Variants in ABCB5 observed in about 807,000 individuals in gnomAD.
The protein encoded by ABCB5 is ATP-binding cassette sub-family B member 5.
ABCB5 carries 155 observed loss-of-function variants against 144.2 expected under a neutral mutation model. The observed-to-expected ratio is 1.08, with a 90% CI of 0.94 to 1.23. The LOEUF (loss-of-function observed/expected upper bound fraction) is 1.23. ABCB5 is among the 50% of genes most tolerant of loss of function. The pLI is 0.00. For synonymous variants in ABCB5, 610 were observed against 528.6 expected, an observed-to-expected ratio of 1.15 and a Z score of -2.11; for missense variants, 1,830 against 1,520.8, an observed-to-expected ratio of 1.20 and a Z score of -3.38.
chr7:20,751,174 G>A (rs899232436), intron 26 of ABCB5, among the ~76,000 whole-genome samples: 3 of 152,278 alleles, frequency 2.0e-5, no homozygotes, highest in South Asian at 4.1e-4. Flanking sequence ...TAAAAGAGGT[G>A]ATTTCGGGGC....
At chr7:20,752,880 G>C (rs1473243503) in intron 26 of ABCB5, among the ~76,000 whole-genome samples, 1 of 152,084 alleles carries the variant, frequency 6.6e-6, no homozygotes, top group Non-Finnish European at 1.5e-5. Context: ...CTTATTTCCA[G>C]GAAGATGCAT....
At chr7:20,626,050 G>C (rs751233864) in intron 2 of ABCB5, among the ~76,000 whole-genome samples, 2 of 152,174 alleles carry the variant, frequency 1.3e-5, no homozygotes, top group African/African-American at 4.8e-5. Context: ...ACAGCCAGAC[G>C]AAACAGACAC....
intron 14 of ABCB5, among the ~76,000 whole-genome samples, chr7:20,669,101 T>TGG (rs1241757378): frequency 1.2e-4 from 18 of 145,602 alleles, no homozygotes; most frequent in African/African-American, 3.9e-4. Context: ...GGGAGGATGG[T>TGG]GGGGGGGGTC....
chr7:20,655,947 T>C (rs181021666), intron 13 of ABCB5, among the ~76,000 whole-genome samples: 1 of 152,352 alleles, frequency 6.6e-6, no homozygotes, highest in East Asian at 1.9e-4. Flanking sequence ...GATGGTTGTA[T>C]AGATCAGTAC....
chr7:20,619,873 C>A (rs1412896464), intron 1 of ABCB5, among the ~76,000 whole-genome samples: 1 of 152,126 alleles, frequency 6.6e-6, no homozygotes, highest in Non-Finnish European at 1.5e-5. Flanking sequence ...ATGTAGGGGT[C>A]CAGTTTCATT....
intron 14 of ABCB5, 76 bp from the exon 15 acceptor site, chr7:20,681,429 C>T: frequency 6.6e-7 from 1 of 1,515,580 alleles, no homozygotes; most frequent in African/African-American, 1.4e-5. Context: ...GCCGGGTCAA[C>T]AAAGATTTCT....
rs1047034992 is a variant in ABCB5 at position 20,755,632 on chromosome 7, G to C, written c.*8G>C. ...GCACAGTCAGTGCAGTGATGCTGTT[G>C]AGGTAGCACATATTTTGATGTTCGT... On this transcript the variant is annotated 3_prime_UTR_variant, in exon 28 of 28. Transcript: ENST00000404938. 6.2e-7 allele frequency: 1 copy of C among 1,613,242 alleles called. No individual in the cohort carries two copies. Among genetic ancestry groups the C allele is most frequent in the African/African-American group, 1.3e-5 (1 of 75,032 alleles).
At position 20,734,938 on chromosome 7, in the gene ABCB5, C is replaced by T. The variant is rs533570584; in HGVS notation, c.2868-4045C>T. On this transcript the variant is annotated intron_variant, in intron 23 of 27. Coordinates refer to ENST00000404938, the MANE Select transcript of ABCB5 (RefSeq NM_001163941.2). ...ATGTACAAAATAAGTTTATTTTATC[C>T]TATCTCTTTGTGTTAGTCCCTTTCG... Among the ~76,000 whole-genome samples, 268 of 152,254 alleles carry T rather than the reference C, an allele frequency of 1.8e-3. 1 individual carries two copies. The highest frequency in any genetic ancestry group is 6.2e-3 in the African/African-American group (257 of 41,540).
intron 5 of ABCB5, chr7:20,641,511 C>T (rs535760242): frequency 9.2e-4 from 141 of 152,814 alleles, no homozygotes; most frequent in Non-Finnish European, 1.6e-3. Context: ...ACCCAGATCC[C>T]GTCTTTTTAA....
chr7:20,682,667 G>A (rs966838361), intron 15 of ABCB5, among the ~76,000 whole-genome samples: 1 of 152,302 alleles, frequency 6.6e-6, no homozygotes, highest in Non-Finnish European at 1.5e-5. Flanking sequence ...ACGTATGTAG[G>A]AAGCACCTAA....
intron 21 of ABCB5, among the ~76,000 whole-genome samples, chr7:20,725,740 A>G (rs530662626): frequency 2.0e-5 from 3 of 151,806 alleles, no homozygotes; most frequent in Non-Finnish European, 2.9e-5. Context: ...TTTTCCTCAA[A>G]ATTTTTTTAT....
At chr7:20,690,239 A>T (rs982011456) in intron 16 of ABCB5, among the ~76,000 whole-genome samples, 1 of 152,242 alleles carries the variant, frequency 6.6e-6, no homozygotes, top group African/African-American at 2.4e-5. Flanking sequence ...TCACGAACGG[A>T]TACCACAGAA....
chr7:20,744,516 C>A (rs1245446806), intron 25 of ABCB5, among the ~76,000 whole-genome samples: 1 of 151,920 alleles, frequency 6.6e-6, no homozygotes, highest in Non-Finnish European at 1.5e-5. Context: ...TCGCTCTACC[C>A]TGTTACCCTG....
chr7:20,633,955 T>C (rs1441816766), intron 5 of ABCB5, among the ~76,000 whole-genome samples: 1 of 152,248 alleles, frequency 6.6e-6, no homozygotes. Flanking sequence ...GGGCTTTTTG[T>C]GTAGCCATGA....
At chr7:20,667,448 T>C in intron 14 of ABCB5, 1 of 985,490 alleles carries the variant, frequency 1.0e-6, no homozygotes, top group Non-Finnish European at 1.2e-6. Flanking sequence ...CCTTTTCTAG[T>C]TGCAACCTTT....
chr7:20,627,155 C>T (rs921029696), intron 3 of ABCB5, among the ~76,000 whole-genome samples: 2 of 152,064 alleles, frequency 1.3e-5, no homozygotes, highest in Non-Finnish European at 2.9e-5. Flanking sequence ...CAGACATGGT[C>T]TTCACCCACT....
At chr7:20,697,323 T>G (rs1786453993) in intron 16 of ABCB5, among the ~76,000 whole-genome samples, 1 of 152,146 alleles carries the variant, frequency 6.6e-6, no homozygotes, top group Non-Finnish European at 1.5e-5. Flanking sequence ...TATAAACTAT[T>G]TTATAGTCTT....
chr7:20,638,333 TG>T (rs1333677267), intron 5 of ABCB5, among the ~76,000 whole-genome samples: 2 of 152,102 alleles, frequency 1.3e-5, no homozygotes, highest in African/African-American at 4.8e-5. Flanking sequence ...TTAGTGCAAT[TG>T]TACTGTTTAT....
intron 13 of ABCB5, among the ~76,000 whole-genome samples, chr7:20,657,526 T>G (rs1038210694): frequency 6.6e-6 from 1 of 152,158 alleles, no homozygotes. Flanking sequence ...AAGAAGTACA[T>G]ACTGTATGAT....
Sources: allele counts gnomAD v4.1 joint callset (sites outside exome capture counted in the v4.1 genomes callset), GRCh38; gene constraint gnomAD v4.1.1; transcripts MANE v1.5; gene names NCBI Gene and HGNC (gene_info 2026-07-23, HGNC 2026-07-21).